The following TEKTL1 variants were observed in gnomAD, a reference collection of about 807,000 sequenced individuals.
TEKTL1 encodes the protein tektin like 1, also known as tektin-like protein 1.
chr19:15,011,509 TGA>T, the TEKTL1 span: 2 of 912,120 alleles, frequency 2.2e-6, no homozygotes, highest in Non-Finnish European at 3.0e-6. Context: ...CAAGGCTGGT[TGA>T]TCACCTGAGG....
chr19:15,014,145 G>C, the TEKTL1 span, among the ~76,000 whole-genome samples: 6 of 152,174 alleles, frequency 3.9e-5, no homozygotes, highest in Admixed American at 3.9e-4. Flanking sequence ...CAGCCCAAGT[G>C]ACTAGAGTCT....
the TEKTL1 span, chr19:15,022,976 G>C: frequency 3.1e-6 from 5 of 1,613,336 alleles, no homozygotes; most frequent in South Asian, 1.1e-5. Context: ...CAAGAACATC[G>C]GGCATGAGGT....
the TEKTL1 span, among the ~76,000 whole-genome samples, chr19:15,015,558 A>G: frequency 6.8e-6 from 1 of 147,830 alleles, no homozygotes; most frequent in Non-Finnish European, 1.5e-5. Context: ...CTCCTGCACC[A>G]TCAACATTTC....
At chr19:15,020,566 C>T in the TEKTL1 span, 132 of 1,614,088 alleles carry the variant, frequency 8.2e-5, 1 homozygote, top group South Asian at 7.2e-4. Context: ...GCAGGCCAGA[C>T]GCCACTCATG....
chr19:15,014,735 G>GT, the TEKTL1 span, among the ~76,000 whole-genome samples: 2,041 of 122,692 alleles, frequency 0.017, 51 homozygotes, highest in African/African-American at 0.019. Flanking sequence ...GGGGGGCGGG[G>GT]GGCGGGGGCT....
At chr19:15,021,668 C>T in the TEKTL1 span, 3 of 1,613,940 alleles carry the variant, frequency 1.9e-6, no homozygotes, top group South Asian at 2.2e-5. Flanking sequence ...CTCCGGTGTA[C>T]GAAATATAAC....
the TEKTL1 span, among the ~76,000 whole-genome samples, chr19:15,018,191 A>T: frequency 6.6e-6 from 1 of 152,022 alleles, no homozygotes; most frequent in African/African-American, 2.4e-5. Flanking sequence ...TGTCTCTACT[A>T]AAAAATACAA....
At chr19:15,021,017 T>C in the TEKTL1 span, among the ~76,000 whole-genome samples, 2 of 151,928 alleles carry the variant, frequency 1.3e-5, no homozygotes, top group Non-Finnish European at 2.9e-5. Flanking sequence ...GCAGCTGGGA[T>C]TACAGGCGCC....
the TEKTL1 span, chr19:15,021,534 T>C: frequency 1.2e-6 from 2 of 1,613,468 alleles, no homozygotes; most frequent in African/African-American, 1.3e-5. Context: ...GCGCATTACC[T>C]GCGGCTGCGG....
At chr19:15,021,732 C>A in the TEKTL1 span, 1 of 1,613,182 alleles carries the variant, frequency 6.2e-7, no homozygotes, top group Non-Finnish European at 8.5e-7. Context: ...GGGTGAGAGC[C>A]TTCGGGGGTG....
the TEKTL1 span, chr19:15,011,349 A>G: frequency 1.2e-5 from 18 of 1,465,814 alleles, no homozygotes; most frequent in African/African-American, 1.5e-5. Context: ...CTGCTTATTA[A>G]CCAGCAGAGC....
chr19:15,013,508 C>T, the TEKTL1 span, among the ~76,000 whole-genome samples: 1 of 152,122 alleles, frequency 6.6e-6, no homozygotes, highest in African/African-American at 2.4e-5. Flanking sequence ...AAGATCAAAC[C>T]TTCTCAAAGA....
chr19:15,017,534 T>C, the TEKTL1 span, among the ~76,000 whole-genome samples: 1 of 152,120 alleles, frequency 6.6e-6, no homozygotes, highest in Non-Finnish European at 1.5e-5. Flanking sequence ...ACTCAGAGAA[T>C]AGCAGTCTCT....
At chr19:15,014,899 C>G in the TEKTL1 span, among the ~76,000 whole-genome samples, 2 of 152,178 alleles carry the variant, frequency 1.3e-5, no homozygotes, top group African/African-American at 4.8e-5. Context: ...GAGCAAAGGG[C>G]TATAAAGAGG....
the TEKTL1 span, chr19:15,022,866 T>C: frequency 6.3e-7 from 1 of 1,584,358 alleles, no homozygotes; most frequent in South Asian, 1.1e-5. Flanking sequence ...CTGCTCCCTA[T>C]CCAGGGCACC....
the TEKTL1 span, chr19:15,021,747 C>T: frequency 6.2e-7 from 1 of 1,611,968 alleles, no homozygotes; most frequent in Non-Finnish European, 8.5e-7. Context: ...GGGGTGGAGG[C>T]AGGGGTGCCG....
chr19:15,017,184 T>G, the TEKTL1 span, among the ~76,000 whole-genome samples: 13 of 152,002 alleles, frequency 8.6e-5, no homozygotes, highest in Non-Finnish European at 1.6e-4. Context: ...ATCATGCCAC[T>G]GCAATCCAGC....
At chr19:15,013,999 C>T in the TEKTL1 span, among the ~76,000 whole-genome samples, 87 of 152,258 alleles carry the variant, frequency 5.7e-4, 1 homozygote, top group East Asian at 0.013. Context: ...CCAAACCCTG[C>T]GCAGTCATTG....
the TEKTL1 span, chr19:15,010,745 C>G: frequency 7.1e-7 from 1 of 1,411,446 alleles, no homozygotes; most frequent in Non-Finnish European, 9.4e-7. Flanking sequence ...TCTCTACAGG[C>G]CAGGAAAGAG....
Sources: allele counts gnomAD v4.1 joint callset (sites outside exome capture counted in the v4.1 genomes callset), GRCh38; gene constraint gnomAD v4.1.1; transcripts MANE v1.5; gene names NCBI Gene and HGNC (gene_info 2026-07-23, HGNC 2026-07-21).